The following NKAIN3 variants were observed in gnomAD, a reference collection of about 807,000 sequenced individuals.
The protein encoded by NKAIN3 is sodium/potassium transporting ATPase interacting 3, also known as sodium/potassium-transporting ATPase subunit beta-1-interacting protein 3.
A neutral mutation model predicts 30.2 loss-of-function variants in NKAIN3; 25 were observed. That is an observed-to-expected ratio of 0.83 (90% CI 0.60 to 1.16). The LOEUF is 1.16. Among genes scored for constraint, NKAIN3 ranks in the 50% most tolerant of loss-of-function variants. NKAIN3 has a pLI of 0.00. For synonymous variants in NKAIN3, 91 were observed against 89.6 expected (o/e 1.02, Z -0.09); for missense variants, 225 against 254.1 (o/e 0.89, Z 0.78).
chr8:62,967,264 G>A lies in NKAIN3; in HGVS notation c.*1857G>A, dbSNP rs896684872. Reference sequence around the variant, plus strand: ...TAGCCAGTGGACAGAGAACATGGGAGCAAAAGTTGGGGTTTGGGTCCCATC... The same window carrying A: ...TAGCCAGTGGACAGAGAACATGGGAACAAAAGTTGGGGTTTGGGTCCCATC... On this transcript the variant is annotated 3_prime_UTR_variant, in exon 7 of 7. Transcript: ENST00000623646. Among the ~76,000 whole-genome samples the A allele has an allele frequency of 1.3e-5, 2 of 152,154 alleles. No homozygotes were observed. Among genetic ancestry groups the A allele is most frequent in the Non-Finnish European group, 2.9e-5 (2 of 68,028 alleles).
rs190872522 is a variant in NKAIN3 at position 62,996,304 on chromosome 8, C to T, written c.533-2927C>T. On this transcript the variant is annotated intron_variant, in intron 5 of 5. Transcript: ENST00000519049. ...GACAGAGTGCGCAGGGGAAAGCTGC[C>T]CCTTTTAAAACCATCAGATCACATG... Among the ~76,000 whole-genome samples, 384 of 152,218 alleles carry T rather than the reference C, an allele frequency of 2.5e-3. 2 individuals carry two copies. Among genetic ancestry groups the T allele is most frequent in the African/African-American group, 7.9e-3 (327 of 41,538 alleles).
intron 3 of NKAIN3, among the ~76,000 whole-genome samples, chr8:62,693,180 G>A (rs1814036501): frequency 6.6e-6 from 1 of 152,184 alleles, no homozygotes; most frequent in Non-Finnish European, 1.5e-5. Flanking sequence ...GTGTAGGAAG[G>A]ACAGAGATAA....
intron 1 of NKAIN3, among the ~76,000 whole-genome samples, chr8:62,413,710 T>C (rs1233721743): frequency 6.6e-6 from 1 of 152,124 alleles, no homozygotes. Context: ...TGTTCAGCTG[T>C]CTCAGAATAA....
intron 4 of NKAIN3, among the ~76,000 whole-genome samples, chr8:62,861,992 C>A (rs942286748): frequency 2.0e-5 from 3 of 152,174 alleles, no homozygotes; most frequent in South Asian, 2.1e-4. Flanking sequence ...TTTATTATGA[C>A]CACATTGAGT....
At chr8:62,935,628 T>G (rs527927331) in intron 5 of NKAIN3, among the ~76,000 whole-genome samples, 1 of 152,008 alleles carries the variant, frequency 6.6e-6, no homozygotes, top group African/African-American at 2.4e-5. Flanking sequence ...ATAAATAGGC[T>G]AAAAAAGATC....
intron 4 of NKAIN3, among the ~76,000 whole-genome samples, chr8:62,773,200 G>T (rs187934281): frequency 3.3e-5 from 5 of 152,092 alleles, no homozygotes; most frequent in African/African-American, 9.6e-5. Flanking sequence ...TCTTATACTT[G>T]AGTTTTTTAA....
intron 1 of NKAIN3, among the ~76,000 whole-genome samples, chr8:62,529,077 C>G (rs1268489500): frequency 3.2e-4 from 48 of 152,090 alleles, no homozygotes; most frequent in Non-Finnish European, 1.0e-4. Flanking sequence ...CTTTATCATC[C>G]ATAGCAGATG....
intron 1 of NKAIN3, among the ~76,000 whole-genome samples, chr8:62,504,308 C>G (rs1180068767): frequency 6.6e-6 from 1 of 152,208 alleles, no homozygotes; most frequent in Non-Finnish European, 1.5e-5. Flanking sequence ...ACCTACTTTG[C>G]AGAATAACTA....
intron 1 of NKAIN3, chr8:62,482,447 G>A (rs1806754492): frequency 6.6e-6 from 1 of 152,222 alleles, no homozygotes; most frequent in African/African-American, 2.4e-5. Context: ...TCATGCAAAA[G>A]GTCAAATTGT....
intron 4 of NKAIN3, among the ~76,000 whole-genome samples, chr8:62,862,329 G>A (rs1164755913): frequency 5.3e-5 from 8 of 151,788 alleles, no homozygotes; most frequent in Admixed American, 4.6e-4. Flanking sequence ...ATCAATGAAT[G>A]GAATCATAAC....
At chr8:62,708,769 G>A (rs892015647) in intron 3 of NKAIN3, among the ~76,000 whole-genome samples, 18 of 152,176 alleles carry the variant, frequency 1.2e-4, no homozygotes, top group Non-Finnish European at 1.8e-4. Flanking sequence ...TTGAAGAGGA[G>A]TGGTGAGAGT....
chr8:62,374,464 A>T (rs1817012982), intron 1 of NKAIN3, among the ~76,000 whole-genome samples: 1 of 152,230 alleles, frequency 6.6e-6, no homozygotes, highest in Non-Finnish European at 1.5e-5. Context: ...CTGAGAATTC[A>T]GGAGTCCAGG....
intron 3 of NKAIN3, among the ~76,000 whole-genome samples, chr8:62,718,880 T>C (rs1814992339): frequency 6.6e-6 from 1 of 152,214 alleles, no homozygotes. Flanking sequence ...TTGTTTTATT[T>C]AAGACCAAAT....
intron 4 of NKAIN3, among the ~76,000 whole-genome samples, chr8:62,893,075 G>A (rs955460294): frequency 6.6e-6 from 1 of 152,172 alleles, no homozygotes; most frequent in African/African-American, 2.4e-5. Context: ...GTACCAAGAA[G>A]TGCAGCATGG....
chr8:62,740,693 T>C (rs1815836692), intron 3 of NKAIN3, among the ~76,000 whole-genome samples: 1 of 152,040 alleles, frequency 6.6e-6, no homozygotes, highest in Non-Finnish European at 1.5e-5. Context: ...ACACTTACTA[T>C]GAATAAAATG....
rs1823815992 is a variant in NKAIN3 at position 62,970,779 on chromosome 8, T to C, written c.*5372T>C. Among the ~76,000 whole-genome samples the C allele has an allele frequency of 6.6e-6, 1 of 152,346 alleles. No individual in the cohort carries two copies. The highest frequency in any genetic ancestry group is 2.1e-4 in the South Asian group (1 of 4,828). On this transcript the variant is annotated 3_prime_UTR_variant, in exon 7 of 7. Transcript: ENST00000623646. ...TTTTGTTCTTGTTTCTTTGATTGACTAAAAACATTGAATCATTTTCCATGT... is the reference window on the plus strand; with the variant it reads ...TTTTGTTCTTGTTTCTTTGATTGACCAAAAACATTGAATCATTTTCCATGT...
chr8:62,805,153 G>A (rs1299458152), intron 4 of NKAIN3, among the ~76,000 whole-genome samples: 1 of 151,884 alleles, frequency 6.6e-6, no homozygotes, highest in Non-Finnish European at 1.5e-5. Flanking sequence ...AATAAAAGAG[G>A]ATACAAACAA....
intron 1 of NKAIN3, among the ~76,000 whole-genome samples, chr8:62,340,707 AT>A (rs1322364465): frequency 6.6e-6 from 1 of 151,958 alleles, no homozygotes; most frequent in Non-Finnish European, 1.5e-5. Context: ...ACATAATAGG[AT>A]TCCTGCTGAG....
Position 62,990,050 on chromosome 8 carries a change from A to T in NKAIN3, c.533-9181A>T, listed in dbSNP as rs960603215. 19 of 571,358 alleles carry T rather than the reference A, an allele frequency of 3.3e-5. No homozygotes were observed. In the East Asian group the frequency reaches 5.9e-4, roughly 18 times the overall value. 35.4% of individuals were successfully genotyped at this position (571,358 alleles called of 1,614,324 possible). On this transcript the variant is annotated intron_variant, in intron 5 of 5. Transcript: ENST00000519049. ...TCAATGAATGTTTAGACTTGATTTC[A>T]GGCACTTATATTGACTTTTATTACA...
Sources: gnomAD v4.1 joint callset for allele counts (sites outside exome capture counted in the v4.1 genomes callset) on GRCh38, gnomAD v4.1.1 for gene constraint, MANE v1.5 for transcripts, NCBI Gene and HGNC (gene_info 2026-07-23, HGNC 2026-07-21) for gene names.